Variants in PRELID2 observed in about 807,000 individuals in gnomAD.
PRELID2 encodes PRELI domain containing 2, also known as PRELI domain-containing protein 2.
Under a neutral mutation model 28.4 loss-of-function variants are expected in PRELID2, and 25 were observed. The ratio of observed to expected loss-of-function variants is 0.88; its 90% confidence interval spans 0.64 to 1.23. The LOEUF is 1.23. Among genes scored for constraint, PRELID2 ranks in the 50% most tolerant of loss-of-function variants. The pLI is 0.00. For missense variants in PRELID2, 201 were observed against 214.4 expected (o/e 0.94, Z 0.39); for synonymous variants, 76 against 71.6 (o/e 1.06, Z -0.31).
intron 1 of PRELID2, among the ~76,000 whole-genome samples, chr5:145,503,219 G>T (rs184965076): frequency 2.6e-5 from 4 of 152,006 alleles, no homozygotes; most frequent in African/African-American, 9.7e-5. Flanking sequence ...CTATTTCATC[G>T]CTGTGGTTCT....
chr5:145,637,010 A>T (rs1329551900), intron 1 of PRELID2, among the ~76,000 whole-genome samples: 1 of 152,182 alleles, frequency 6.6e-6, no homozygotes, highest in Non-Finnish European at 1.5e-5. Context: ...GAACACAGTC[A>T]AGCAGAGAAT....
At chr5:145,491,737 C>A (rs1055712785) in intron 1 of PRELID2, among the ~76,000 whole-genome samples, 1 of 151,812 alleles carries the variant, frequency 6.6e-6, no homozygotes, top group African/African-American at 2.4e-5. Flanking sequence ...AACCACTATT[C>A]TATTTTCTAC....
rs191392371 is a variant in PRELID2 at position 145,582,781 on chromosome 5, T to A, written n.71-109466A>T. 3.0e-3 allele frequency among the ~76,000 whole-genome samples: 459 copies of A among 152,024 alleles called. 2 individuals are homozygous for A. The highest frequency in any genetic ancestry group is 0.011 in the African/African-American group (444 of 41,492). On this transcript the variant is annotated intron_variant and non_coding_transcript_variant, in intron 1 of 2. Transcript: ENST00000510259. The stretch of plus-strand genomic sequence containing the variant: ...AATCCCTGAATAGACCAATAACAAG[T>A]TCTGAAATTAAAGCAGTAATAAATA...
chr5:145,497,379 T>C (rs917317499), intron 1 of PRELID2, among the ~76,000 whole-genome samples: 1 of 151,698 alleles, frequency 6.6e-6, no homozygotes, highest in African/African-American at 2.4e-5. Context: ...TATATGTCTT[T>C]ATTAATGATC....
At chr5:145,755,473 GT>G (rs1446197733), downstream of PRELID2, among the ~76,000 whole-genome samples, 4 of 151,752 alleles carry the variant, frequency 2.6e-5, no homozygotes, top group African/African-American at 9.7e-5. Flanking sequence ...GACTTTTTTT[GT>G]TTTCTAATCT....
Position 145,601,746 on chromosome 5 carries a change from A to G in PRELID2, n.71-128431T>C, listed in dbSNP as rs112379528. 2.4e-3 allele frequency among the ~76,000 whole-genome samples: 365 copies of G among 152,302 alleles called. 1 individual carries two copies. Among genetic ancestry groups the G allele is most frequent in the Non-Finnish European group, 3.7e-3 (255 of 68,024 alleles). The stretch of plus-strand genomic sequence containing the variant: ...TGGGAGACTGATGTGTAACTTTGAC[A>G]CAGTAACTTTGAGTTTCCTAAGGCA... On this transcript the variant is annotated intron_variant and non_coding_transcript_variant, in intron 1 of 2. Coordinates refer to the PRELID2 transcript ENST00000510259.
chr5:145,567,559 G>T (rs1048885764), intron 1 of PRELID2, among the ~76,000 whole-genome samples: 2 of 152,084 alleles, frequency 1.3e-5, no homozygotes, highest in East Asian at 1.9e-4. Flanking sequence ...TGTACTTTTA[G>T]TAGAGATGGG....
the PRELID2 span, among the ~76,000 whole-genome samples, chr5:145,351,936 T>A: frequency 6.6e-6 from 1 of 152,190 alleles, no homozygotes; most frequent in South Asian, 2.1e-4. Flanking sequence ...ATGTCTCACA[T>A]CCAGGTCATG....
At chr5:145,722,697 A>G (rs1756024438) in intron 1 of PRELID2, among the ~76,000 whole-genome samples, 1 of 152,042 alleles carries the variant, frequency 6.6e-6, no homozygotes, top group Non-Finnish European at 1.5e-5. Flanking sequence ...ACGGGGTTTC[A>G]CCATGTTGGC....
intron 1 of PRELID2, among the ~76,000 whole-genome samples, chr5:145,696,362 C>T (rs1375483975): frequency 6.6e-6 from 1 of 152,042 alleles, no homozygotes; most frequent in African/African-American, 2.4e-5. Flanking sequence ...ATGGTCCCTT[C>T]CAAGCACATA....
chr5:145,309,387 T>C, the PRELID2 span, among the ~76,000 whole-genome samples: 1 of 152,070 alleles, frequency 6.6e-6, no homozygotes, highest in Admixed American at 6.6e-5. Flanking sequence ...TGGATTGAAG[T>C]GTTCATGTTG....
intron 1 of PRELID2, among the ~76,000 whole-genome samples, chr5:145,560,056 G>T (rs899719187): frequency 6.6e-6 from 1 of 152,030 alleles, no homozygotes; most frequent in African/African-American, 2.4e-5. Context: ...CTACAGTTAG[G>T]CAAATCATCT....
chr5:145,820,123 GTT>G lies in PRELID2; in HGVS notation c.134-107_134-106del, dbSNP rs74273635. 1.6e-3 allele frequency: 425 copies of G among 263,986 alleles called. 2 individuals are homozygous for G. Among genetic ancestry groups the G allele is most frequent in the African/African-American group, 8.0e-3 (360 of 44,928 alleles). The allele number at this position is 263,986 out of a possible 1,614,324, so 16.4% of individuals were successfully genotyped here. A position where few individuals can be genotyped will look rare whatever the true frequency, so the allele number is the denominator to read the frequency against. On this transcript the variant is annotated intron_variant, in intron 2 of 6. Coordinates refer to ENST00000683046, the MANE Select transcript of PRELID2 (RefSeq NM_205846.3). Reference sequence around the variant, plus strand: ...GGGGTTTTTTTGTTTTTTGTTTTTTGTTTTTTTTTTTTGAGACACCCAGGCTG... The same window carrying G: ...GGGGTTTTTTTGTTTTTTGTTTTTTGTTTTTTTTTTGAGACACCCAGGCTG...
chr5:145,643,559 A>C (rs1754146030), intron 1 of PRELID2, among the ~76,000 whole-genome samples: 1 of 152,140 alleles, frequency 6.6e-6, no homozygotes, highest in African/African-American at 2.4e-5. Flanking sequence ...GTTCAATAGG[A>C]GTGGTGAGAG....
intron 1 of PRELID2, among the ~76,000 whole-genome samples, chr5:145,520,215 A>C (rs1347846705): frequency 6.6e-6 from 1 of 152,212 alleles, no homozygotes; most frequent in African/African-American, 2.4e-5. Context: ...GGCATACAGG[A>C]CATAACATTT....
rs541723312 is a variant in PRELID2 at position 145,744,316 on chromosome 5, TC to T, written n.70+20614del. Among the ~76,000 whole-genome samples, 279 of 152,260 alleles carry T rather than the reference TC, an allele frequency of 1.8e-3. 2 individuals carry two copies. The highest frequency in any genetic ancestry group is 7.5e-3 in the South Asian group (36 of 4,824). On this transcript the variant is annotated intron_variant and non_coding_transcript_variant, in intron 1 of 2. Coordinates refer to the PRELID2 transcript ENST00000510259. Reference sequence around the variant, plus strand: ...ATCTGGGCAGACCAGACGAGGGGTTTCCCCCCATTGAAGCACATCCACTCCA... The same window carrying T: ...ATCTGGGCAGACCAGACGAGGGGTTTCCCCCATTGAAGCACATCCACTCCA...
At chr5:145,396,579 A>T in the PRELID2 span, among the ~76,000 whole-genome samples, 1 of 152,234 alleles carries the variant, frequency 6.6e-6, no homozygotes, top group Non-Finnish European at 1.5e-5. Flanking sequence ...TGCAGTAAAT[A>T]AAAGTTTGCC....
intron 1 of PRELID2, among the ~76,000 whole-genome samples, chr5:145,677,578 T>C (rs1754845385): frequency 6.6e-6 from 1 of 152,206 alleles, no homozygotes; most frequent in Non-Finnish European, 1.5e-5. Context: ...GCGGCACAGA[T>C]GAAGTTGGCC....
the PRELID2 span, among the ~76,000 whole-genome samples, chr5:145,282,407 A>G: frequency 6.6e-6 from 1 of 152,178 alleles, no homozygotes; most frequent in Non-Finnish European, 1.5e-5. Context: ...TGTGAAATAT[A>G]ACTACATTTA....
Sources: allele counts gnomAD v4.1 joint callset (sites outside exome capture counted in the v4.1 genomes callset), GRCh38; gene constraint gnomAD v4.1.1; transcripts MANE v1.5; gene names NCBI Gene and HGNC (gene_info 2026-07-23, HGNC 2026-07-21).